Variants in SH3BGRL2 observed in about 807,000 individuals in gnomAD.
SH3BGRL2 encodes the protein SH3 domain binding glutamate rich protein like 2, also known as SH3 domain-binding glutamic acid-rich-like protein 2.
SH3BGRL2 carries 21 observed loss-of-function variants against 14.8 expected under a neutral mutation model. That is an observed-to-expected ratio of 1.42 (90% CI 1.01 to 2.05). The LOEUF (loss-of-function observed/expected upper bound fraction) is 2.05, where lower values mean the gene tolerates loss of function less well. SH3BGRL2 is among the 30% of genes most tolerant of loss of function. The probability of loss-of-function intolerance (pLI) is 0.00; values close to 1 mark genes in which losing one functional copy is unlikely to be tolerated. For missense variants in SH3BGRL2, 147 were observed against 130.8 expected (o/e 1.12, Z -0.61); for synonymous variants, 50 against 47.8 (o/e 1.05, Z -0.19).
chr6:79,555,466 T>C, the SH3BGRL2 span, among the ~76,000 whole-genome samples: 1 of 151,850 alleles, frequency 6.6e-6, no homozygotes, highest in South Asian at 2.1e-4. Context: ...GAAAAAAAAA[T>C]CTTAAACTGC....
At chr6:79,691,338 G>GTT (rs147694181) in intron 2 of SH3BGRL2, among the ~76,000 whole-genome samples, 13 of 149,250 alleles carry the variant, frequency 8.7e-5, no homozygotes, top group African/African-American at 3.2e-4. Context: ...TTTTGTTTTT[G>GTT]TTTTTTTTTG....
At chr6:79,596,147 C>G in the SH3BGRL2 span, among the ~76,000 whole-genome samples, 1 of 152,176 alleles carries the variant, frequency 6.6e-6, no homozygotes, top group Non-Finnish European at 1.5e-5. Context: ...TCTGATATTA[C>G]AAAACCTTCT....
chr6:79,673,546 A>C, intron 1 of SH3BGRL2, 68 bp from the exon 2 acceptor site: 1 of 1,466,054 alleles, frequency 6.8e-7, no homozygotes, highest in Non-Finnish European at 9.3e-7. Context: ...AATCTAGTTC[A>C]GTTTGGAAGT....
chr6:79,662,725 A>T (rs939281487), intron 1 of SH3BGRL2, among the ~76,000 whole-genome samples: 2 of 152,084 alleles, frequency 1.3e-5, no homozygotes, highest in Non-Finnish European at 2.9e-5. Context: ...CTCCTGGATA[A>T]TATCCTGAAG....
At chr6:79,620,099 GT>G in the SH3BGRL2 span, among the ~76,000 whole-genome samples, 1 of 151,572 alleles carries the variant, frequency 6.6e-6, no homozygotes, top group East Asian at 1.9e-4. Context: ...AGTTGTTGTT[GT>G]TTTTTTTCTT....
At chr6:79,666,123 G>A (rs80046481) in intron 1 of SH3BGRL2, among the ~76,000 whole-genome samples, 223 of 152,288 alleles carry the variant, frequency 1.5e-3, no homozygotes, top group Non-Finnish European at 2.7e-3. Flanking sequence ...TCTAACATGA[G>A]CTTAAACAGA....
chr6:79,598,225 GC>G, the SH3BGRL2 span, among the ~76,000 whole-genome samples: 2 of 152,288 alleles, frequency 1.3e-5, no homozygotes, highest in African/African-American at 4.8e-5. Context: ...ACATGACTCA[GC>G]AATTCCACTC....
chr6:79,539,578 T>G, the SH3BGRL2 span, among the ~76,000 whole-genome samples: 1 of 152,254 alleles, frequency 6.6e-6, no homozygotes, highest in Non-Finnish European at 1.5e-5. Flanking sequence ...GCTAACTGAA[T>G]GTTCATTTTC....
At chr6:79,694,479 T>G (rs530791894) in intron 2 of SH3BGRL2, among the ~76,000 whole-genome samples, 1 of 152,360 alleles carries the variant, frequency 6.6e-6, no homozygotes, top group African/African-American at 2.4e-5. Context: ...TGTCAAACTT[T>G]GACCTGTTTT....
chr6:79,604,484 AG>A, the SH3BGRL2 span, among the ~76,000 whole-genome samples: 2 of 152,214 alleles, frequency 1.3e-5, no homozygotes, highest in Non-Finnish European at 2.9e-5. Flanking sequence ...GTGCCTTGAC[AG>A]GAGCAAACGC....
the SH3BGRL2 span, among the ~76,000 whole-genome samples, chr6:79,560,853 G>C: frequency 8.5e-6 from 1 of 117,274 alleles, no homozygotes; most frequent in East Asian, 2.8e-4. Flanking sequence ...TAAAATTAAT[G>C]TTAACAATAC....
chr6:79,668,222 G>A (rs1293311250), intron 1 of SH3BGRL2, among the ~76,000 whole-genome samples: 3 of 152,142 alleles, frequency 2.0e-5, no homozygotes, highest in African/African-American at 4.8e-5. Flanking sequence ...AGAGAGTAGA[G>A]GCATGCAAGT....
intron 1 of SH3BGRL2, among the ~76,000 whole-genome samples, chr6:79,637,704 A>G (rs1168447850): frequency 1.3e-5 from 2 of 152,098 alleles, no homozygotes; most frequent in Non-Finnish European, 2.9e-5. Context: ...AAAAAAAAAA[A>G]GAAAATGTAT....
At chr6:79,597,185 G>A in the SH3BGRL2 span, among the ~76,000 whole-genome samples, 5 of 150,710 alleles carry the variant, frequency 3.3e-5, no homozygotes, top group African/African-American at 7.3e-5. Context: ...AGCCAAGATC[G>A]CACCACTGCA....
At chr6:79,684,027 CAAAA>C (rs1203012312) in intron 2 of SH3BGRL2, among the ~76,000 whole-genome samples, 2 of 151,958 alleles carry the variant, frequency 1.3e-5, no homozygotes, top group Non-Finnish European at 2.9e-5. Context: ...AACAAACAAA[CAAAA>C]AAAGCAAAAG....
At chr6:79,649,981 T>TCACACACA (rs750538104) in intron 1 of SH3BGRL2, among the ~76,000 whole-genome samples, 76 of 91,886 alleles carry the variant, frequency 8.3e-4, no homozygotes, top group Non-Finnish European at 1.2e-3. Flanking sequence ...TCTCTCTCTC[T>TCACACACA]CTCTCACACA....
chr6:79,573,172 A>T, the SH3BGRL2 span, among the ~76,000 whole-genome samples: 1 of 152,184 alleles, frequency 6.6e-6, no homozygotes, highest in Non-Finnish European at 1.5e-5. Context: ...GATTTTGTAC[A>T]TCATGTGAGG....
chr6:79,699,774 G>C lies in SH3BGRL2; in HGVS notation c.*265G>C, dbSNP rs1331633732. The stretch of plus-strand genomic sequence containing the variant: ...CCTGGAAATACCGTCACCTGTTACA[G>C]GTGTACTTTCTTAATGACTGAAAGA... On this transcript the variant is annotated 3_prime_UTR_variant, in exon 4 of 4. Transcript: ENST00000369838. 4.7e-6 allele frequency: 2 copies of C among 423,504 alleles called. No individual in the cohort carries two copies. The highest frequency in any genetic ancestry group is 8.2e-6 in the Non-Finnish European group (2 of 243,246). The allele number at this position is 423,504 out of a possible 1,614,324, so 26.2% of individuals were successfully genotyped here.
intron 1 of SH3BGRL2, among the ~76,000 whole-genome samples, chr6:79,668,849 A>G (rs1480758278): frequency 6.6e-6 from 1 of 152,172 alleles, no homozygotes; most frequent in Non-Finnish European, 1.5e-5. Context: ...TTAGAAGCAA[A>G]GTCTTTTTTC....
Sources: allele counts gnomAD v4.1 joint callset (sites outside exome capture counted in the v4.1 genomes callset), GRCh38; gene constraint gnomAD v4.1.1; transcripts MANE v1.5; gene names NCBI Gene and HGNC (gene_info 2026-07-23, HGNC 2026-07-21).